The following ABCA1 variants were observed in gnomAD, a reference collection of about 807,000 sequenced individuals.
The protein encoded by ABCA1 is phospholipid-transporting ATPase ABCA1.
Under a neutral mutation model 262.5 loss-of-function variants are expected in ABCA1, and 133 were observed. That is an observed-to-expected ratio of 0.51 (90% CI 0.44 to 0.59). The LOEUF is 0.59. Ranked by LOEUF, ABCA1 falls within the 20% of genes least tolerant of loss-of-function variation. ABCA1 has a pLI of 0.00. For missense variants in ABCA1, 2,452 were observed against 2,777.5 expected, an observed-to-expected ratio of 0.88 and a Z score of 2.63; for synonymous variants, 1,022 against 1,043.5, an observed-to-expected ratio of 0.98 and a Z score of 0.40.
rs529929828 is a variant in ABCA1, at chr9:104,834,757, G to C, written c.1312-1986C>G. 5.1e-4 allele frequency among the ~76,000 whole-genome samples: 68 copies of C among 132,310 alleles called. 3 individuals carry two copies. Among genetic ancestry groups the C allele is most frequent in the Non-Finnish European group, 1.0e-3 (62 of 60,616 alleles). 86.8% of individuals were successfully genotyped at this position (132,310 alleles called of 152,430 possible). ...GAAAAGAGAGCAAATCAGTGTCAGA[G>C]GGTTCCAAGACTTGCCCGAGAGAGG... On this transcript the variant is annotated intron_variant, in intron 11 of 49. Transcript: ENST00000374736.
chr9:104,843,845 T>C (rs1255836190), intron 8 of ABCA1, among the ~76,000 whole-genome samples: 4 of 152,190 alleles, frequency 2.6e-5, no homozygotes, highest in Non-Finnish European at 5.9e-5. Flanking sequence ...GAGTAACTTT[T>C]GATCAAAGGG....
chr9:104,820,297 C>A (rs1832205783), intron 20 of ABCA1, among the ~76,000 whole-genome samples: 1 of 152,252 alleles, frequency 6.6e-6, no homozygotes, highest in Non-Finnish European at 1.5e-5. Context: ...TCGCTTCCAA[C>A]CTGTTTCCAG....
intron 30 of ABCA1, among the ~76,000 whole-genome samples, chr9:104,808,523 A>T (rs565236379): frequency 2.3e-4 from 35 of 152,316 alleles, no homozygotes; most frequent in Admixed American, 6.5e-4. Context: ...AGCTGCTAGG[A>T]TTTACCACCC....
At chr9:104,804,341 G>C (rs1008753107) in intron 32 of ABCA1, among the ~76,000 whole-genome samples, 1 of 152,172 alleles carries the variant, frequency 6.6e-6, no homozygotes, top group South Asian at 2.1e-4. Flanking sequence ...GCTTTAAAAG[G>C]ATAACCAGTT....
At chr9:104,862,267 C>T (rs1174950844) in intron 5 of ABCA1, among the ~76,000 whole-genome samples, 1 of 150,248 alleles carries the variant, frequency 6.7e-6, no homozygotes, top group Non-Finnish European at 1.5e-5. Flanking sequence ...CCATGACTGG[C>T]AAATTTTTTT....
chr9:104,814,557 A>C (rs1051028564), intron 25 of ABCA1, 82 bp from the exon 26 acceptor site: 1 of 1,326,816 alleles, frequency 7.5e-7, no homozygotes, highest in African/African-American at 1.4e-5. Context: ...TATATTACTG[A>C]GTGGCATGTT....
intron 1 of ABCA1, among the ~76,000 whole-genome samples, chr9:104,909,428 A>G (rs1448057272): frequency 6.6e-6 from 1 of 152,154 alleles, no homozygotes; most frequent in Non-Finnish European, 1.5e-5. Context: ...AACGGGGTGG[A>G]AGTTATTCCT....
intron 5 of ABCA1, among the ~76,000 whole-genome samples, chr9:104,874,803 C>T (rs1215131588): frequency 3.3e-4 from 47 of 142,526 alleles, no homozygotes; most frequent in African/African-American, 1.4e-3. Context: ...CCCGGCCAGC[C>T]GCCCCGTCCG....
At chr9:104,889,468 G>A (rs1053049952) in intron 2 of ABCA1, 14 of 785,998 alleles carry the variant, frequency 1.8e-5, no homozygotes, top group Admixed American at 6.2e-5. Context: ...AGGATTCATC[G>A]TGGCATAATT....
Position 104,820,055 on chromosome 9 carries a change from T to C in ABCA1, c.2975A>G (p.Glu992Gly). 6.2e-7 allele frequency: 1 copy of C among 1,614,122 alleles called. No homozygotes were observed. Among genetic ancestry groups the C allele is most frequent in the Non-Finnish European group, 8.5e-7 (1 of 1,180,018 alleles). Residue 992 changes from glutamate to glycine, a missense_variant, in exon 21 of 50, where the codon GAA (glutamate) becomes GGA (glycine). By Grantham distance (98) the Glu-to-Gly change is moderately conservative. Around this residue, in one of 4 missense-constraint regions of ABCA1, gnomAD observed 665 missense variants for 727.3 expected, o/e 0.91. Transcript: ENST00000374736. ...NVLFDMLTVE[E>G]HIWFYARLKG... ...CAAGCGGGCATAGAACCAGATGTGT[T>C]CTTCGACAGTCAGCCTGGGGACAGG...
intron 1 of ABCA1, among the ~76,000 whole-genome samples, chr9:104,914,956 C>A (rs1456775141): frequency 2.6e-5 from 4 of 152,176 alleles, no homozygotes. Flanking sequence ...GGCTCTAGAA[C>A]CCCTGGTAAA....
chr9:104,874,869 T>A (rs1270945142), intron 5 of ABCA1, among the ~76,000 whole-genome samples: 13 of 135,088 alleles, frequency 9.6e-5, no homozygotes, highest in African/African-American at 3.4e-5. Context: ...GGGAGGGAGG[T>A]GGGGGGCAGC....
At chr9:104,845,616 G>C (rs1482913484) in intron 7 of ABCA1, 47 bp from the exon 8 acceptor site, 2 of 1,291,516 alleles carry the variant, frequency 1.5e-6, no homozygotes, top group Admixed American at 3.5e-5. Context: ...ATGTAAACCT[G>C]AAATCTCTAT....
At chr9:104,832,477 A>C (rs1301408836) in intron 12 of ABCA1, 97 bp downstream of exon 12, 3 of 1,327,856 alleles carry the variant, frequency 2.3e-6, no homozygotes, top group Non-Finnish European at 3.2e-6. Context: ...GAGACTATAC[A>C]TTATTTCTAA....
At chr9:104,911,026 G>A (rs1159409238) in intron 1 of ABCA1, among the ~76,000 whole-genome samples, 9 of 152,084 alleles carry the variant, frequency 5.9e-5, no homozygotes, top group Admixed American at 5.9e-4. Context: ...CTCTTGATGA[G>A]GTTGCTTCTA....
At chr9:104,794,270 G>A in intron 40 of ABCA1, 117 bp downstream of exon 40, 3 of 1,501,414 alleles carry the variant, frequency 2.0e-6, no homozygotes, top group Non-Finnish European at 2.8e-6. Flanking sequence ...GGGCATGGGG[G>A]TGGGGGAACA....
intron 3 of ABCA1, among the ~76,000 whole-genome samples, chr9:104,888,476 A>G (rs1201414509): frequency 6.6e-6 from 1 of 152,214 alleles, no homozygotes; most frequent in African/African-American, 2.4e-5. Flanking sequence ...CTCTGTTTAA[A>G]AGAAACTTAA....
At chr9:104,827,221 C>A in intron 15 of ABCA1, 52 bp from the exon 16 acceptor site, 1 of 1,457,176 alleles carries the variant, frequency 6.9e-7, no homozygotes, top group Non-Finnish European at 9.6e-7. Context: ...CCCAAGCACT[C>A]ACTTGTATGA....
intron 22 of ABCA1, 74 bp downstream of exon 22, chr9:104,819,512 G>C: frequency 6.2e-7 from 1 of 1,604,320 alleles, no homozygotes; most frequent in Non-Finnish European, 8.5e-7. Context: ...CTAGCCATGA[G>C]ATACAGCCAC....
Sources: gnomAD v4.1 joint callset for allele counts (sites outside exome capture counted in the v4.1 genomes callset) on GRCh38, gnomAD v4.1.1 for gene constraint, gnomAD v4.1.1 regional missense constraint, MANE v1.5 for transcripts, NCBI Gene and HGNC (gene_info 2026-07-23, HGNC 2026-07-21) for gene names.